The following CELF4 variants were observed in gnomAD, a reference collection of about 807,000 sequenced individuals.
CELF4 encodes CUG-BP- and ETR-3-like factor 4.
Under a neutral mutation model 59.9 loss-of-function variants are expected in CELF4, and 18 were observed. The observed-to-expected ratio is 0.30, with a 90% CI of 0.21 to 0.45. The LOEUF is 0.45. CELF4 is among the 20% of genes least tolerant of loss of function. CELF4 has a pLI of 1.00. For synonymous variants in CELF4, 261 were observed against 267.1 expected, an observed-to-expected ratio of 0.98 and a Z score of 0.22; for missense variants, 456 against 689.0, an observed-to-expected ratio of 0.66 and a Z score of 3.79.
intron 2 of CELF4, among the ~76,000 whole-genome samples, chr18:37,447,674 T>TCC (rs956157269): frequency 1.3e-5 from 2 of 152,184 alleles, no homozygotes; most frequent in Admixed American, 6.5e-5. Context: ...GGGCCCTGGG[T>TCC]TGAGGGGTGG....
At chr18:37,551,012 G>A (rs972048541) in intron 1 of CELF4, among the ~76,000 whole-genome samples, 9 of 151,416 alleles carry the variant, frequency 5.9e-5, no homozygotes, top group South Asian at 2.1e-4. Context: ...GTTGGGTACC[G>A]TTGCTTGAGA....
intron 1 of CELF4, among the ~76,000 whole-genome samples, chr18:37,489,275 G>T (rs541391015): frequency 1.3e-5 from 2 of 152,244 alleles, no homozygotes; most frequent in African/African-American, 2.4e-5. Flanking sequence ...CGCTGACTCC[G>T]GGGTTCAAAA....
chr18:37,448,311 G>C (rs1208692753), intron 2 of CELF4, among the ~76,000 whole-genome samples: 1 of 152,194 alleles, frequency 6.6e-6, no homozygotes, highest in Non-Finnish European at 1.5e-5. Flanking sequence ...AGGGCCCTGG[G>C]TGCTGGCAGA....
chr18:37,395,606 T>A (rs2099234388), intron 2 of CELF4, among the ~76,000 whole-genome samples: 1 of 152,220 alleles, frequency 6.6e-6, no homozygotes. Context: ...GAGGGGTGGA[T>A]GCTAGGGTCC....
At chr18:37,515,093 A>G (rs951214127) in intron 1 of CELF4, among the ~76,000 whole-genome samples, 3 of 152,106 alleles carry the variant, frequency 2.0e-5, no homozygotes, top group Non-Finnish European at 4.4e-5. Flanking sequence ...TCTGAGTGCT[A>G]TTATTATTTG....
intron 2 of CELF4, among the ~76,000 whole-genome samples, chr18:37,457,557 G>A (rs2099781739): frequency 6.6e-6 from 1 of 152,168 alleles, no homozygotes. Flanking sequence ...TTGCTCCAGA[G>A]ATCAAGGGTC....
chr18:37,500,281 G>A (rs533161949), intron 1 of CELF4, among the ~76,000 whole-genome samples: 39 of 152,258 alleles, frequency 2.6e-4, no homozygotes, highest in Non-Finnish European at 3.8e-4. Flanking sequence ...TCACAAGTTC[G>A]ACAGCTGCAT....
chr18:37,330,797 C>T (rs1362827190), intron 2 of CELF4, among the ~76,000 whole-genome samples: 3 of 152,164 alleles, frequency 2.0e-5, no homozygotes, highest in Admixed American at 2.0e-4. Flanking sequence ...CACCACCGGA[C>T]AGTCTTGTTT....
chr18:37,532,991 C>A (rs917039509), intron 1 of CELF4, among the ~76,000 whole-genome samples: 2 of 152,240 alleles, frequency 1.3e-5, no homozygotes, highest in Non-Finnish European at 1.5e-5. Context: ...CTGGATATCT[C>A]TCATGGAAGC....
At chr18:37,374,391 C>T (rs2098940819) in intron 2 of CELF4, among the ~76,000 whole-genome samples, 1 of 152,216 alleles carries the variant, frequency 6.6e-6, no homozygotes, top group South Asian at 2.1e-4. Flanking sequence ...CGGCTCCGAA[C>T]TTCCACAGCT....
intron 3 of CELF4, among the ~76,000 whole-genome samples, chr18:37,316,792 C>G (rs2096882761): frequency 6.6e-6 from 1 of 152,164 alleles, no homozygotes; most frequent in Non-Finnish European, 1.5e-5. Flanking sequence ...AGCCCTGCCT[C>G]CCTCACCTGG....
chr18:37,492,892 G>C (rs77297525), intron 1 of CELF4, among the ~76,000 whole-genome samples: 11,382 of 152,092 alleles, frequency 0.075, 621 homozygotes, highest in East Asian at 0.28. Flanking sequence ...AGTAACAGGC[G>C]GGAAAAAGAC....
intron 2 of CELF4, among the ~76,000 whole-genome samples, chr18:37,394,587 G>C (rs1357331461): frequency 1.3e-5 from 2 of 152,176 alleles, no homozygotes; most frequent in Non-Finnish European, 2.9e-5. Context: ...GCCCGGCAAC[G>C]GGTAACTTTT....
intron 3 of CELF4, among the ~76,000 whole-genome samples, chr18:37,307,073 C>T (rs1045654193): frequency 6.6e-6 from 1 of 151,768 alleles, no homozygotes; most frequent in Non-Finnish European, 1.5e-5. Context: ...GCCACCAAGT[C>T]TTCCCCAGGA....
At chr18:37,431,389 A>G (rs1472814018) in intron 2 of CELF4, among the ~76,000 whole-genome samples, 25 of 82,364 alleles carry the variant, frequency 3.0e-4, no homozygotes, top group Non-Finnish European at 8.8e-5. Flanking sequence ...TTTTTTTGAG[A>G]TGGAGTCTTG....
chr18:37,343,507 C>T (rs989370555), intron 2 of CELF4, among the ~76,000 whole-genome samples: 2 of 151,988 alleles, frequency 1.3e-5, no homozygotes, highest in South Asian at 2.1e-4. Flanking sequence ...TAAGGGTTGC[C>T]GGCCAGGCTC....
At chr18:37,496,097 C>T (rs986754047) in intron 1 of CELF4, among the ~76,000 whole-genome samples, 1 of 152,160 alleles carries the variant, frequency 6.6e-6, no homozygotes, top group Non-Finnish European at 1.5e-5. Flanking sequence ...CTTGGGCCCT[C>T]CATCAGATCC....
intron 2 of CELF4, among the ~76,000 whole-genome samples, chr18:37,443,345 G>T (rs753580736): frequency 6.6e-6 from 1 of 151,992 alleles, no homozygotes; most frequent in Admixed American, 6.5e-5. Flanking sequence ...CAGGGGAGTG[G>T]GGGGAGGGTC....
intron 1 of CELF4, among the ~76,000 whole-genome samples, chr18:37,539,494 C>A (rs866357928): frequency 6.6e-6 from 1 of 151,828 alleles, no homozygotes; most frequent in Non-Finnish European, 1.5e-5. Context: ...CACACACACG[C>A]GTGCACGTGC....
Sources: gnomAD v4.1 joint callset for allele counts (sites outside exome capture counted in the v4.1 genomes callset) on GRCh38, gnomAD v4.1.1 for gene constraint, MANE v1.5 for transcripts, NCBI Gene and HGNC (gene_info 2026-07-23, HGNC 2026-07-21) for gene names.